The following MAD1L1 variants were observed in gnomAD, a reference collection of about 807,000 sequenced individuals.
MAD1L1 encodes mitotic arrest deficient 1 like 1.
In MAD1L1, 95 loss-of-function variants were observed where a neutral mutation model predicts 96.9. The observed-to-expected ratio is 0.98, with a 90% CI of 0.83 to 1.16. The LOEUF is 1.16. MAD1L1 is among the 50% of genes most tolerant of loss of function. The pLI, the probability that MAD1L1 is intolerant of heterozygous loss-of-function variation, is 0.00. For synonymous variants in MAD1L1, 473 were observed against 396.6 expected (o/e 1.19, Z -2.29); for missense variants, 1,007 against 954.4 (o/e 1.06, Z -0.73).
At chr7:1,967,599 G>T (rs1277226625) in intron 15 of MAD1L1, among the ~76,000 whole-genome samples, 2 of 152,222 alleles carry the variant, frequency 1.3e-5, no homozygotes, top group East Asian at 3.8e-4. Flanking sequence ...GACCTGGGCT[G>T]CTCAGGACTG....
chr7:1,899,290 C>T (rs1787095615), intron 17 of MAD1L1, among the ~76,000 whole-genome samples: 1 of 152,236 alleles, frequency 6.6e-6, no homozygotes, highest in Admixed American at 6.5e-5. Flanking sequence ...ACTGGCTCCA[C>T]TTAGACGCAC....
At chr7:2,164,594 G>GGC (rs1491329788) in intron 10 of MAD1L1, among the ~76,000 whole-genome samples, 1 of 18,780 alleles carries the variant, frequency 5.3e-5, no homozygotes, top group Non-Finnish European at 1.3e-4. Flanking sequence ...CAGGAAAAAT[G>GGC]GGGGGGGGGG....
intron 15 of MAD1L1, among the ~76,000 whole-genome samples, chr7:1,976,771 A>C (rs1780662639): frequency 6.6e-6 from 1 of 152,192 alleles, no homozygotes; most frequent in East Asian, 1.9e-4. Context: ...CAGAGTGCTG[A>C]TTGGTGCATT....
At position 2,215,929 on chromosome 7, in the gene MAD1L1, C is replaced by T; in HGVS notation, c.880G>A (p.Glu294Lys). 2 of 1,614,234 alleles carry T rather than the reference C, an allele frequency of 1.2e-6. No individual in the cohort carries two copies. Among genetic ancestry groups the T allele is most frequent in the South Asian group, 2.2e-5 (2 of 91,086 alleles). The change falls in exon 9 of 19, where the codon GAG becomes AAG. Residue 294 changes from glutamate to lysine, a missense_variant. Glu to Lys is a moderately conservative substitution (Grantham distance 56). Transcript: ENST00000265854. ...CCAACCAGCGTCTCCTGCATCTTCTCCTGGCGCCCCAGCTTCCTCTGCAGC... is the reference window on the plus strand; with the variant it reads ...CCAACCAGCGTCTCCTGCATCTTCTTCTGGCGCCCCAGCTTCCTCTGCAGC... Reference protein sequence around the residue: ...EGLQRKLGRQEKMQETLVGLE... With the variant: ...EGLQRKLGRQKKMQETLVGLE...
At chr7:2,139,904 T>C (rs1354735477) in intron 11 of MAD1L1, among the ~76,000 whole-genome samples, 1 of 152,180 alleles carries the variant, frequency 6.6e-6, no homozygotes, top group Non-Finnish European at 1.5e-5. Context: ...GAAAAATCCA[T>C]GCTCTAGGCT....
chr7:2,123,253 C>T (rs1263995311), intron 11 of MAD1L1, among the ~76,000 whole-genome samples: 20 of 143,632 alleles, frequency 1.4e-4, no homozygotes, highest in Admixed American at 7.5e-5. Context: ...TGCAGTGAGC[C>T]GAGATCGGGC....
chr7:2,186,622 C>T (rs1467747431), intron 10 of MAD1L1, among the ~76,000 whole-genome samples: 3 of 152,128 alleles, frequency 2.0e-5, no homozygotes, highest in Admixed American at 2.0e-4. Flanking sequence ...TTACATTATC[C>T]TGTACAATAT....
intron 18 of MAD1L1, among the ~76,000 whole-genome samples, chr7:1,835,996 G>A (rs1352347833): frequency 7.9e-5 from 12 of 152,168 alleles, no homozygotes; most frequent in Non-Finnish European, 1.5e-4. Context: ...ACAGTATAAT[G>A]AGCAGTGAGG....
At chr7:2,001,177 G>A (rs1203996254) in intron 14 of MAD1L1, among the ~76,000 whole-genome samples, 15 of 152,260 alleles carry the variant, frequency 9.9e-5, no homozygotes, top group Admixed American at 9.8e-4. Flanking sequence ...TGCCCGACGG[G>A]AGCCTCGACC....
intron 10 of MAD1L1, among the ~76,000 whole-genome samples, chr7:2,178,703 C>A (rs1277738232): frequency 2.6e-5 from 4 of 152,236 alleles, no homozygotes; most frequent in Admixed American, 1.3e-4. Context: ...TCGAGACAAG[C>A]CTGGCCAACA....
Position 1,857,252 on chromosome 7 carries a change from G to A in MAD1L1, c.1998+40948C>T, listed in dbSNP as rs578207764. Among the ~76,000 whole-genome samples, 19 of 152,324 alleles carry A rather than the reference G, an allele frequency of 1.2e-4. No individual in the cohort carries two copies. In the East Asian group the frequency reaches 2.3e-3, roughly 19 times the overall value. ...CCACCAGGAGGCACGGCTGTCCCACGTCTCGGGCGAGGGTGGGTGCGATGA... is the reference window on the plus strand; with the variant it reads ...CCACCAGGAGGCACGGCTGTCCCACATCTCGGGCGAGGGTGGGTGCGATGA... On this transcript the variant is annotated intron_variant, in intron 18 of 18. Coordinates refer to ENST00000265854, the MANE Select transcript of MAD1L1 (RefSeq NM_001013836.2).
intron 7 of MAD1L1, among the ~76,000 whole-genome samples, chr7:2,216,998 C>T (rs1024645780): frequency 1.3e-5 from 2 of 152,148 alleles, no homozygotes; most frequent in East Asian, 1.9e-4. Context: ...TCACACTGCA[C>T]ACTGCCGGGC....
At chr7:2,206,021 A>T (rs1792580533) in intron 10 of MAD1L1, among the ~76,000 whole-genome samples, 1 of 152,126 alleles carries the variant, frequency 6.6e-6, no homozygotes, top group Non-Finnish European at 1.5e-5. Context: ...AACCCCAGCT[A>T]CTCAGGAGGC....
intron 12 of MAD1L1, among the ~76,000 whole-genome samples, chr7:2,026,779 T>G (rs542943840): frequency 1.3e-5 from 2 of 152,324 alleles, no homozygotes; most frequent in African/African-American, 4.8e-5. Context: ...AAACGTACGG[T>G]ATGCAACTAA....
intron 11 of MAD1L1, among the ~76,000 whole-genome samples, chr7:2,077,265 T>C (rs1344191949): frequency 6.6e-6 from 1 of 152,214 alleles, no homozygotes; most frequent in Admixed American, 6.5e-5. Context: ...ATTCGAACCT[T>C]GGCAAAATCT....
At chr7:1,851,187 G>A (rs1404510539) in intron 18 of MAD1L1, among the ~76,000 whole-genome samples, 1 of 152,204 alleles carries the variant, frequency 6.6e-6, no homozygotes, top group Non-Finnish European at 1.5e-5. Context: ...CCCATGCCCA[G>A]ACCAGAGCGG....
intron 18 of MAD1L1, among the ~76,000 whole-genome samples, chr7:1,883,869 G>A (rs1480180903): frequency 1.3e-5 from 2 of 152,214 alleles, no homozygotes; most frequent in African/African-American, 2.4e-5. Flanking sequence ...AGCCTCGAGC[G>A]AAGCTGACTC....
chr7:2,019,723 C>T (rs1387674326), intron 12 of MAD1L1, among the ~76,000 whole-genome samples: 2 of 152,008 alleles, frequency 1.3e-5, no homozygotes, highest in East Asian at 3.9e-4. Flanking sequence ...CCTCACCACC[C>T]CCAACGCAAG....
At chr7:2,065,440 G>A (rs1448566382) in intron 12 of MAD1L1, among the ~76,000 whole-genome samples, 1 of 152,194 alleles carries the variant, frequency 6.6e-6, no homozygotes, top group Non-Finnish European at 1.5e-5. Flanking sequence ...TTTGTGGACG[G>A]TTTTTTGATT....
Sources: allele counts gnomAD v4.1 joint callset (sites outside exome capture counted in the v4.1 genomes callset), GRCh38; gene constraint gnomAD v4.1.1; transcripts MANE v1.5; gene names NCBI Gene and HGNC (gene_info 2026-07-23, HGNC 2026-07-21).